The following SUSD1 variants were observed in gnomAD, a reference collection of about 807,000 sequenced individuals.
SUSD1 encodes sushi domain-containing protein 1.
Under a neutral mutation model 86.9 loss-of-function variants are expected in SUSD1, and 65 were observed. The observed-to-expected ratio is 0.75, with a 90% CI of 0.61 to 0.92. The LOEUF is 0.92. SUSD1 is among the 40% of genes least tolerant of loss of function. The pLI, the probability that SUSD1 is intolerant of heterozygous loss-of-function variation, is 0.00. For missense variants in SUSD1, 850 were observed against 929.7 expected (o/e 0.91, Z 1.11); for synonymous variants, 346 against 350.0 (o/e 0.99, Z 0.13).
chr9:112,154,125 G>A (rs147612694), intron 2 of SUSD1, among the ~76,000 whole-genome samples: 13 of 152,072 alleles, frequency 8.5e-5, no homozygotes, highest in East Asian at 7.7e-4. Context: ...CCAAAACATC[G>A]TTATATGGCA....
At position 112,143,477 on chromosome 9, in the gene SUSD1, A is replaced by T; in HGVS notation, c.520T>A (p.Cys174Ser). The T allele has an allele frequency of 2.5e-6, 4 of 1,613,248 alleles. No individual in the cohort carries two copies. Among genetic ancestry groups the T allele is most frequent in the Non-Finnish European group, 3.4e-6 (4 of 1,179,730 alleles). The change falls in exon 4 of 17, where the codon TGC becomes AGC. Residue 174 changes from cysteine (C) to serine (S), a missense_variant. Transcript: ENST00000374270. The part of the protein sequence containing the change: ...PFHPTTDATS[C>S]TEIDCGTPPE... ...ATTTTTGGCAGAAACCCACCTGTGC[A>T]TGATGTGGCATCGGTGGTCGGGTGG...
At chr9:112,083,446 T>C (rs1829851103) in intron 10 of SUSD1, among the ~76,000 whole-genome samples, 1 of 152,172 alleles carries the variant, frequency 6.6e-6, no homozygotes, top group Non-Finnish European at 1.5e-5. Context: ...CAGGCTGGTC[T>C]CGAACTCCTG....
intron 10 of SUSD1, among the ~76,000 whole-genome samples, chr9:112,084,372 G>T (rs940288472): frequency 1.1e-4 from 16 of 152,164 alleles, no homozygotes; most frequent in Admixed American, 5.9e-4. Flanking sequence ...ACAGGATATT[G>T]TAAGGCCAAA....
Position 112,149,438 on chromosome 9 carries a change from T to C in SUSD1, c.218-39A>G. 7 of 1,605,046 alleles carry C rather than the reference T, an allele frequency of 4.4e-6. No homozygotes were observed. In the South Asian group the frequency reaches 4.5e-5, roughly 10 times the overall value. On this transcript the variant is annotated intron_variant, in intron 2 of 16. Coordinates refer to ENST00000374270, the MANE Select transcript of SUSD1 (RefSeq NM_022486.5). ...GACAAGGCACCGGAAGAGCTATCAA[T>C]CCACACCGACTTCAACAGCCCAGAC...
intron 7 of SUSD1, 161 bp from the exon 8 acceptor site, chr9:112,112,001 G>C: frequency 1.5e-6 from 1 of 666,962 alleles, no homozygotes; most frequent in Non-Finnish European, 2.5e-6. Context: ...AGTCTGATCA[G>C]CCCAGTGAAT....
chr9:112,059,458 G>C (rs1189889837), intron 13 of SUSD1, among the ~76,000 whole-genome samples: 1 of 152,224 alleles, frequency 6.6e-6, no homozygotes, highest in Non-Finnish European at 1.5e-5. Context: ...AAAGGCTGCA[G>C]ACAGTCATGC....
intron 10 of SUSD1, among the ~76,000 whole-genome samples, chr9:112,098,062 T>C (rs1269147283): frequency 1.3e-5 from 2 of 152,162 alleles, no homozygotes; most frequent in Non-Finnish European, 2.9e-5. Flanking sequence ...CGTGGCCTAG[T>C]CCTGAGGCTG....
At chr9:112,173,504 G>A (rs1383904461) in intron 1 of SUSD1, 12 of 222,448 alleles carry the variant, frequency 5.4e-5, no homozygotes, top group Middle Eastern at 1.8e-3. Flanking sequence ...CTGTCCTCAC[G>A]TTGGCAGACA....
At chr9:112,047,184 GCA>G (rs1437067475) in intron 15 of SUSD1, among the ~76,000 whole-genome samples, 2 of 152,152 alleles carry the variant, frequency 1.3e-5, no homozygotes, top group Non-Finnish European at 2.9e-5. Context: ...GGGGAAGCAG[GCA>G]CAGTCTTCAC....
chr9:112,061,157 C>A (rs767099213), intron 13 of SUSD1, among the ~76,000 whole-genome samples: 4 of 152,296 alleles, frequency 2.6e-5, no homozygotes, highest in Admixed American at 6.5e-5. Context: ...CAACAGGCTC[C>A]ATCCTCTGCC....
chr9:112,076,878 CA>C (rs919573777), intron 12 of SUSD1, among the ~76,000 whole-genome samples: 3 of 152,094 alleles, frequency 2.0e-5, no homozygotes, highest in Non-Finnish European at 4.4e-5. Context: ...CAGATAAGAA[CA>C]AAACTGGCCA....
chr9:112,175,144 G>C lies in SUSD1; in HGVS notation c.92C>G (p.Pro31Arg). The change falls in exon 1 of 17, where the codon CCG (proline) becomes CGG (arginine). Residue 31 changes from proline (P) to arginine (R), a missense_variant. Pro to Arg is a moderately radical substitution (Grantham distance 103). Transcript: ENST00000374270. This position sits in a 1 kb window ranked among gnomAD's most constrained non-coding sequence, Gnocchi z 4.7. ...CAGCCCGCACTCACCGTCGGGGCCCGGCGCTCCCGCGGCGCCGCGGGCCAG... is the reference window on the plus strand; with the variant it reads ...CAGCCCGCACTCACCGTCGGGGCCCCGCGCTCCCGCGGCGCCGCGGGCCAG... ...LGLARGAAGA[P>R]GPDGLDVCAT... is the part of the protein sequence containing the mutation. 9.4e-7 allele frequency: 1 copy of C among 1,064,972 alleles called. No homozygotes were observed. The highest frequency in any genetic ancestry group is 1.1e-6 in the Non-Finnish European group (1 of 884,308). The allele number at this position is 1,064,972 out of a possible 1,614,324, so 66.0% of individuals were successfully genotyped here. A position where few individuals can be genotyped will look rare whatever the true frequency, so the allele number is the denominator to read the frequency against.
At chr9:112,080,690 G>GA (rs56022766) in intron 10 of SUSD1, among the ~76,000 whole-genome samples, 20,843 of 122,022 alleles carry the variant, frequency 0.17, 1,688 homozygotes, top group Middle Eastern at 0.22. Flanking sequence ...TCTGTCTCAA[G>GA]AAAAAAAAAA....
At chr9:112,151,319 A>G (rs1344309657) in intron 2 of SUSD1, among the ~76,000 whole-genome samples, 1 of 152,176 alleles carries the variant, frequency 6.6e-6, no homozygotes, top group African/African-American at 2.4e-5. Flanking sequence ...TTTCTTGGCC[A>G]GGCACGTTGG....
At position 112,089,631 on chromosome 9, in the gene SUSD1, G is replaced by A. The variant is rs1830118992; in HGVS notation, c.1474+8839C>T. ...GGTCAGGAACAGCCTGACCAACATG[G>A]TGAAACCCTGTCTTTACTAAAAATA... On this transcript the variant is annotated intron_variant, in intron 10 of 16. Transcript: ENST00000374270. Among the ~76,000 whole-genome samples the A allele has an allele frequency of 2.0e-5, 3 of 152,024 alleles. No homozygotes were observed. The South Asian group carries it at 6.2e-4, about 32-fold the overall frequency.
chr9:112,136,381 G>A lies in SUSD1; in HGVS notation c.706+5939C>T, dbSNP rs149222204. ...CCTGAGCAGCTAGGACTACAGGCGC[G>A]TGCCATCATGCCCAGACAATGTTAT... On this transcript the variant is annotated intron_variant, in intron 5 of 16. Transcript: ENST00000374270. Among the ~76,000 whole-genome samples, 488 of 152,140 alleles carry A rather than the reference G, an allele frequency of 3.2e-3. 2 individuals are homozygous for A. The highest frequency in any genetic ancestry group is 0.011 in the African/African-American group (456 of 41,484).
At chr9:112,103,781 G>A (rs915910261) in intron 8 of SUSD1, among the ~76,000 whole-genome samples, 16 of 152,176 alleles carry the variant, frequency 1.1e-4, no homozygotes, top group Non-Finnish European at 1.9e-4. Context: ...GCTAAAGAAA[G>A]ACCCTAAGAC....
chr9:112,132,115 C>T (rs929565201), intron 5 of SUSD1, among the ~76,000 whole-genome samples: 2 of 152,186 alleles, frequency 1.3e-5, no homozygotes, highest in Non-Finnish European at 2.9e-5. Flanking sequence ...TAATCAACAA[C>T]TGACTGTATC....
chr9:112,142,366 G>T lies in SUSD1; in HGVS notation c.660C>A (p.Ser220Arg), dbSNP rs1832614197. 7.4e-6 allele frequency: 12 copies of T among 1,613,988 alleles called. No individual in the cohort carries two copies. Among genetic ancestry groups the T allele is most frequent in the Non-Finnish European group, 9.3e-6 (11 of 1,179,966 alleles). Residue 220 changes from serine (S) to arginine (R), a missense_variant, in exon 5 of 17, where the codon AGC (serine) becomes AGA (arginine). Transcript: ENST00000374270. ...FFSVPEDTVS[S>R]CTGLGTWESP... ...ACTCCCATGTGCCCAGGCCTGTGCA[G>T]CTTGAAACTGTATCTTCTGGAACAC... is the stretch of plus-strand genomic sequence containing the variant.
Sources: allele counts gnomAD v4.1 joint callset (sites outside exome capture counted in the v4.1 genomes callset), GRCh38; gene constraint gnomAD v4.1.1; non-coding constraint Gnocchi (gnomAD v3.1); transcripts MANE v1.5; gene names NCBI Gene and HGNC (gene_info 2026-07-23, HGNC 2026-07-21).